MAPK10: variants seen among roughly 807,000 people sequenced by gnomAD.
MAPK10 encodes JNK3 alpha protein kinase.
In MAPK10, 25 loss-of-function variants were observed where a neutral mutation model predicts 59.3. The ratio of observed to expected loss-of-function variants is 0.42; its 90% CI spans 0.31 to 0.59. The LOEUF is 0.59. MAPK10 is among the 20% of genes least tolerant of loss of function. The pLI is 0.15. For synonymous variants in MAPK10, 190 were observed against 200.5 expected (o/e 0.95, Z 0.44); for missense variants, 351 against 568.9 (o/e 0.62, Z 3.90).
chr4:86,529,541 G>A (rs1410474425), intron 1 of MAPK10, among the ~76,000 whole-genome samples: 1 of 152,170 alleles, frequency 6.6e-6, no homozygotes, highest in Admixed American at 6.5e-5. Flanking sequence ...GAAACAAAAT[G>A]TCTGTTTATT....
chr4:86,111,281 G>C (rs188801243), intron 4 of MAPK10, among the ~76,000 whole-genome samples: 11 of 152,280 alleles, frequency 7.2e-5, no homozygotes, highest in Admixed American at 7.2e-4. Flanking sequence ...GGCATGAAGA[G>C]AGAGGGCATC....
intron 2 of MAPK10, among the ~76,000 whole-genome samples, chr4:86,280,762 A>G (rs879090837): frequency 1.3e-5 from 2 of 152,184 alleles, no homozygotes; most frequent in African/African-American, 4.8e-5. Context: ...CTATGAAGCC[A>G]TAAAAAAAAG....
At chr4:86,186,642 G>A (rs887272682) in intron 3 of MAPK10, among the ~76,000 whole-genome samples, 10 of 152,120 alleles carry the variant, frequency 6.6e-5, no homozygotes, top group African/African-American at 2.4e-4. Context: ...AGCTCAAAGA[G>A]AAGGTGCAAT....
chr4:86,124,452 G>A (rs1368505881), intron 4 of MAPK10: 1 of 151,328 alleles, frequency 6.6e-6, no homozygotes, highest in Non-Finnish European at 1.5e-5. Context: ...TTATACATAA[G>A]TCCTCTAAAC....
At chr4:86,443,794 T>C (rs1029216959) in intron 1 of MAPK10, among the ~76,000 whole-genome samples, 4 of 152,152 alleles carry the variant, frequency 2.6e-5, no homozygotes, top group African/African-American at 9.6e-5. Flanking sequence ...ACTCATGGCA[T>C]GAATGTTACA....
intron 2 of MAPK10, among the ~76,000 whole-genome samples, chr4:86,247,014 G>C (rs181448366): frequency 1.4e-4 from 22 of 152,322 alleles, no homozygotes; most frequent in Non-Finnish European, 2.6e-4. Context: ...TGGTGGGAGG[G>C]TAGGTTTACT....
At chr4:86,496,247 A>G (rs1044238886) in intron 1 of MAPK10, among the ~76,000 whole-genome samples, 2 of 152,162 alleles carry the variant, frequency 1.3e-5, no homozygotes, top group African/African-American at 4.8e-5. Context: ...TTCAGAGACG[A>G]GCTTTGTGCC....
intron 1 of MAPK10, among the ~76,000 whole-genome samples, chr4:86,354,896 A>G (rs1733614231): frequency 6.6e-6 from 1 of 152,178 alleles, no homozygotes; most frequent in Admixed American, 6.6e-5. Context: ...TTCAGTTAAT[A>G]TAATTAGTCT....
intron 1 of MAPK10, among the ~76,000 whole-genome samples, chr4:86,527,312 CAAA>C (rs57390422): frequency 0.016 from 253 of 16,104 alleles, 2 homozygotes; most frequent in African/African-American, 0.042. Context: ...ACACTGTTGC[CAAA>C]AAAAAAAAAA....
intron 4 of MAPK10, chr4:86,119,654 T>A (rs2058913578): frequency 6.7e-6 from 1 of 149,580 alleles, no homozygotes; most frequent in South Asian, 2.1e-4. Flanking sequence ...ATGGTGTAGG[T>A]GCTGTGATGC....
intron 9 of MAPK10, chr4:86,090,245 G>T (rs186932102): frequency 5.7e-4 from 86 of 151,806 alleles, no homozygotes; most frequent in African/African-American, 1.7e-3. Flanking sequence ...GGGATGCTGG[G>T]GGGGAGCAAA....
rs1015247661 is a variant in MAPK10, at chr4:86,534,371, A to G, written c.-263+59539T>C. On this transcript the variant is annotated intron_variant, in intron 1 of 4. Coordinates refer to the MAPK10 transcript ENST00000502302. ...CCCAACATTTCACGCAAGCTGTTACATAACAACTAGATGCAATGTGTTATC... is the reference window on the plus strand; with the variant it reads ...CCCAACATTTCACGCAAGCTGTTACGTAACAACTAGATGCAATGTGTTATC... Among the ~76,000 whole-genome samples, 50 of 152,134 alleles carry G rather than the reference A, an allele frequency of 3.3e-4. 1 individual carries two copies. The highest frequency in any genetic ancestry group is 2.9e-3 in the Admixed American group (45 of 15,272).
chr4:86,021,463 T>C (rs1746806449), intron 13 of MAPK10, among the ~76,000 whole-genome samples: 1 of 152,206 alleles, frequency 6.6e-6, no homozygotes, highest in Admixed American at 6.5e-5. Context: ...CACAGGGTGC[T>C]GACTGGTGTA....
intron 9 of MAPK10, chr4:86,079,833 T>C (rs1016509522): frequency 4.2e-5 from 5 of 119,082 alleles, no homozygotes; most frequent in Admixed American, 7.6e-5. Flanking sequence ...CAAGCTTATA[T>C]GAGGTAAGAA....
intron 2 of MAPK10, among the ~76,000 whole-genome samples, chr4:86,347,482 A>G (rs111605262): frequency 6.6e-6 from 1 of 152,288 alleles, no homozygotes; most frequent in African/African-American, 2.4e-5. Flanking sequence ...CATCTTCCTA[A>G]GACACATAGC....
At chr4:86,053,776 T>C (rs35971482) in intron 11 of MAPK10, among the ~76,000 whole-genome samples, 14,538 of 152,106 alleles carry the variant, frequency 0.096, 861 homozygotes, top group Non-Finnish European at 0.13. Context: ...GAAAATAAAA[T>C]ACACTCTCAC....
chr4:86,412,982 G>A (rs559162672), intron 1 of MAPK10, among the ~76,000 whole-genome samples: 11 of 152,256 alleles, frequency 7.2e-5, no homozygotes, highest in East Asian at 1.9e-4. Context: ...GAGAAGAGGC[G>A]CTCCGGTTTT....
chr4:86,067,277 G>A (rs1209591904), intron 10 of MAPK10, among the ~76,000 whole-genome samples: 1 of 152,106 alleles, frequency 6.6e-6, no homozygotes, highest in African/African-American at 2.4e-5. Context: ...GAGTAGCTGG[G>A]ACTAGAGGTG....
At chr4:86,398,538 A>G (rs1279998843) in intron 1 of MAPK10, among the ~76,000 whole-genome samples, 1 of 152,220 alleles carries the variant, frequency 6.6e-6, no homozygotes, top group Non-Finnish European at 1.5e-5. Context: ...GATGAATTCA[A>G]GTCAAAAGAT....
Sources: gnomAD v4.1 joint callset for allele counts (sites outside exome capture counted in the v4.1 genomes callset) on GRCh38, gnomAD v4.1.1 for gene constraint, MANE v1.5 for transcripts, NCBI Gene and HGNC (gene_info 2026-07-23, HGNC 2026-07-21) for gene names.